Variants in MAML3 observed in about 807,000 individuals in gnomAD.
The protein encoded by MAML3 is mastermind-like protein 3.
In MAML3, 27 loss-of-function variants were observed where a neutral mutation model predicts 101.9. That is an observed-to-expected ratio of 0.27 (90% confidence interval 0.20 to 0.37). The LOEUF (loss-of-function observed/expected upper bound fraction) is 0.37, where lower values mean the gene tolerates loss of function less well. Ranked by LOEUF, MAML3 falls within the 10% of genes least tolerant of loss-of-function variation. MAML3 has a pLI of 1.00. For missense variants in MAML3, 1,316 were observed against 1,444.9 expected, an observed-to-expected ratio of 0.91 and a Z score of 1.45; for synonymous variants, 501 against 555.9, an observed-to-expected ratio of 0.90 and a Z score of 1.39.
chr4:139,838,477 G>A (rs1391399310), intron 2 of MAML3, among the ~76,000 whole-genome samples: 3 of 152,056 alleles, frequency 2.0e-5, no homozygotes, highest in Admixed American at 6.6e-5. Context: ...CTTCACCCCT[G>A]AGCCTCCCTG....
intron 1 of MAML3, among the ~76,000 whole-genome samples, chr4:140,030,326 G>A (rs1286044375): frequency 6.6e-6 from 1 of 152,128 alleles, no homozygotes; most frequent in Admixed American, 6.5e-5. Context: ...ACCATATAAG[G>A]CACTGGACAA....
chr4:139,989,019 A>G (rs888234290), intron 1 of MAML3, among the ~76,000 whole-genome samples: 2 of 152,178 alleles, frequency 1.3e-5, no homozygotes, highest in African/African-American at 4.8e-5. Flanking sequence ...GATTCCTCGC[A>G]GAGGCAGCTG....
chr4:140,004,768 G>A (rs1378719309), intron 1 of MAML3, among the ~76,000 whole-genome samples: 2 of 152,050 alleles, frequency 1.3e-5, no homozygotes, highest in African/African-American at 4.8e-5. Flanking sequence ...GCCAGCCCAG[G>A]GCTCCCAGCA....
chr4:140,018,090 G>T (rs1421625872), intron 1 of MAML3, among the ~76,000 whole-genome samples: 1 of 151,990 alleles, frequency 6.6e-6, no homozygotes, highest in Non-Finnish European at 1.5e-5. Context: ...AGTCTAATTG[G>T]GTTTCTACAG....
chr4:139,974,263 G>A (rs1358130551), intron 1 of MAML3, among the ~76,000 whole-genome samples: 3 of 151,798 alleles, frequency 2.0e-5, no homozygotes, highest in Non-Finnish European at 4.4e-5. Flanking sequence ...CCACCACCAC[G>A]CCCAGCTAAT....
At chr4:139,937,864 T>A (rs1440124999) in intron 1 of MAML3, among the ~76,000 whole-genome samples, 13 of 152,212 alleles carry the variant, frequency 8.5e-5, no homozygotes, top group African/African-American at 2.7e-4. Context: ...ATAAATTACA[T>A]CACACCTTTC....
At chr4:139,843,602 G>C (rs1157267784) in intron 2 of MAML3, among the ~76,000 whole-genome samples, 1 of 152,146 alleles carries the variant, frequency 6.6e-6, no homozygotes, top group Non-Finnish European at 1.5e-5. Flanking sequence ...CAACTGTTTT[G>C]CTAGAAAATT....
chr4:140,138,996 G>C (rs1173230218), intron 1 of MAML3, among the ~76,000 whole-genome samples: 1 of 152,204 alleles, frequency 6.6e-6, no homozygotes, highest in African/African-American at 2.4e-5. Context: ...TTTAGGCCAG[G>C]CAGAGTGGCT....
intron 1 of MAML3, among the ~76,000 whole-genome samples, chr4:140,091,553 A>C (rs573473177): frequency 9.3e-5 from 14 of 150,264 alleles, no homozygotes; most frequent in African/African-American, 2.4e-4. Flanking sequence ...CAAAACAAAA[A>C]AAAAAAACAG....
chr4:139,732,583 T>A (rs1190854050), intron 2 of MAML3, among the ~76,000 whole-genome samples: 1 of 152,166 alleles, frequency 6.6e-6, no homozygotes, highest in African/African-American at 2.4e-5. Flanking sequence ...GCTATTTTTT[T>A]TTTTTTTGTA....
chr4:140,128,113 G>C (rs1251361436), intron 1 of MAML3: 2 of 152,368 alleles, frequency 1.3e-5, no homozygotes, highest in Non-Finnish European at 2.9e-5. Flanking sequence ...CTGTGCCCTG[G>C]CTCTCTTTTG....
intron 1 of MAML3, among the ~76,000 whole-genome samples, chr4:139,946,617 T>C (rs184644205): frequency 5.9e-5 from 9 of 152,304 alleles, no homozygotes; most frequent in African/African-American, 1.9e-4. Context: ...AAATTTTATC[T>C]CCAGAAGAAT....
At chr4:139,846,997 T>C (rs1731463274) in intron 2 of MAML3, among the ~76,000 whole-genome samples, 1 of 152,150 alleles carries the variant, frequency 6.6e-6, no homozygotes, top group South Asian at 2.1e-4. Context: ...AGTTCACACT[T>C]AGGATTTTCC....
chr4:140,090,883 T>C (rs1204930931), intron 1 of MAML3, among the ~76,000 whole-genome samples: 1 of 152,072 alleles, frequency 6.6e-6, no homozygotes, highest in Non-Finnish European at 1.5e-5. Flanking sequence ...AAACACCGTC[T>C]CTACTTAAAT....
intron 1 of MAML3, among the ~76,000 whole-genome samples, chr4:139,985,981 C>T (rs955305261): frequency 1.3e-4 from 20 of 152,280 alleles, no homozygotes; most frequent in African/African-American, 3.4e-4. Context: ...CTCAACTTCA[C>T]TCCTGCTGGC....
chr4:140,065,050 G>C (rs1727511323), intron 1 of MAML3, among the ~76,000 whole-genome samples: 1 of 152,196 alleles, frequency 6.6e-6, no homozygotes, highest in Admixed American at 6.5e-5. Context: ...AGTCTGGATT[G>C]AGGTCGTCTC....
chr4:140,133,457 A>G (rs1204508938), intron 1 of MAML3, among the ~76,000 whole-genome samples: 1 of 152,204 alleles, frequency 6.6e-6, no homozygotes, highest in Non-Finnish European at 1.5e-5. Context: ...AATGTTTGGG[A>G]CAGCAATTAG....
At chr4:140,106,508 G>A (rs546460605) in intron 1 of MAML3, among the ~76,000 whole-genome samples, 2 of 152,306 alleles carry the variant, frequency 1.3e-5, no homozygotes, top group East Asian at 3.9e-4. Flanking sequence ...TGAAAGTCAT[G>A]AAGAATCTTC....
chr4:139,806,830 T>C (rs1181971690), intron 2 of MAML3, among the ~76,000 whole-genome samples: 3 of 152,144 alleles, frequency 2.0e-5, no homozygotes, highest in Admixed American at 6.5e-5. Context: ...CAAAACCAAA[T>C]GCTGTTGGAT....
Sources: allele counts gnomAD v4.1 joint callset (sites outside exome capture counted in the v4.1 genomes callset), GRCh38; gene constraint gnomAD v4.1.1; transcripts MANE v1.5; gene names NCBI Gene and HGNC (gene_info 2026-07-23, HGNC 2026-07-21).